Variants in SLC22A13 observed in about 807,000 individuals in gnomAD.
SLC22A13 encodes solute carrier family 22 member 13.
Under a neutral mutation model 49.1 loss-of-function variants are expected in SLC22A13, and 42 were observed. The observed-to-expected ratio is 0.85, with a 90% CI of 0.67 to 1.11. SLC22A13 has a LOEUF of 1.11. Among genes scored for constraint, SLC22A13 ranks in the 50% least tolerant of loss-of-function variants. SLC22A13 has a pLI of 0.00. For missense variants in SLC22A13, 694 were observed against 712.8 expected (o/e 0.97, Z 0.30); for synonymous variants, 282 against 293.1 (o/e 0.96, Z 0.39).
At chr3:38,275,695 C>G in intron 6 of SLC22A13, 23 bp downstream of exon 6, 1 of 1,607,606 alleles carries the variant, frequency 6.2e-7, no homozygotes. Flanking sequence ...AACCCGAGGA[C>G]AGAACCACAG....
intron 1 of SLC22A13, among the ~76,000 whole-genome samples, chr3:38,272,843 T>G (rs1192567869): frequency 6.6e-6 from 1 of 152,242 alleles, no homozygotes; most frequent in Non-Finnish European, 1.5e-5. Flanking sequence ...ATGTCTTCAT[T>G]TATTCATTCA....
intron 1 of SLC22A13, among the ~76,000 whole-genome samples, chr3:38,272,958 AG>A (rs1320184707): frequency 6.6e-6 from 1 of 152,236 alleles, no homozygotes; most frequent in African/African-American, 2.4e-5. Flanking sequence ...ACCAAGGGTT[AG>A]CTGCTTAAAC....
rs572165403 is a variant in SLC22A13, at chr3:38,267,648, G to A, written c.378+1410G>A. Among the ~76,000 whole-genome samples the A allele has an allele frequency of 4.6e-5, 7 of 152,288 alleles. No homozygotes were observed. The East Asian group carries it at 1.2e-3, about 25-fold the overall frequency. ...AAAGGCCCCTGAGGATTAACTGTGC[G>A]GGGAAGTCAGAGGGGAAAGGTACTT... On this transcript the variant is annotated intron_variant, in intron 1 of 9. Transcript: ENST00000311856.
At position 38,276,271 on chromosome 3, in the gene SLC22A13, G is replaced by A. The variant is rs1703582738; in HGVS notation, c.1238-16G>A. The A allele has an allele frequency of 1.2e-6, 2 of 1,603,154 alleles. No homozygotes were observed. The highest frequency in any genetic ancestry group is 8.5e-7 in the Non-Finnish European group (1 of 1,172,778). On this transcript the variant is annotated splice_polypyrimidine_tract_variant and intron_variant, in intron 7 of 9. Coordinates refer to ENST00000311856, the MANE Select transcript of SLC22A13 (RefSeq NM_004256.4). ...GCGTCAGGGCCCAGGTGATGGGGCTGTCTACCCTCTGCCAGATCTGCCCGT... is the reference window on the plus strand; with the variant it reads ...GCGTCAGGGCCCAGGTGATGGGGCTATCTACCCTCTGCCAGATCTGCCCGT...
At chr3:38,270,998 A>C (rs2125862909) in intron 1 of SLC22A13, among the ~76,000 whole-genome samples, 1 of 152,218 alleles carries the variant, frequency 6.6e-6, no homozygotes, top group African/African-American at 2.4e-5. Flanking sequence ...GCTAATCCCA[A>C]GCTCAGTTCC....
chr3:38,275,784 GC>G, intron 6 of SLC22A13, 97 bp from the exon 7 acceptor site: 1 of 1,476,142 alleles, frequency 6.8e-7, no homozygotes. Flanking sequence ...CCCTGGTTGT[GC>G]CAGTGTCCCC....
rs267599784 is a variant in SLC22A13 at position 38,276,041 on chromosome 3, G to A, written c.1182G>A (p.Leu394=). The A allele has an allele frequency of 9.9e-6, 16 of 1,614,138 alleles. No homozygotes were observed. Among genetic ancestry groups the A allele is most frequent in the Admixed American group, 1.7e-5 (1 of 60,024 alleles). The change falls in exon 7 of 10, where the codon TTG becomes TTA. Residue 394 remains leucine, a synonymous_variant. Transcript: ENST00000311856. ...GGTTTGGCCGCAAGTGGAGCCAGTT[G>A]GGGACCTTGGTCTTGGGTGGCCTGA... ...MQRFGRKWSQ[L]GTLVLGGLMC...
At chr3:38,276,883 C>A in intron 8 of SLC22A13, 29 bp from the exon 9 acceptor site, 1 of 1,600,428 alleles carries the variant, frequency 6.2e-7, no homozygotes, top group South Asian at 1.1e-5. Flanking sequence ...GGGCCCAGGT[C>A]TACTTAGCTT....
rs910457485 is a variant in SLC22A13, at chr3:38,276,192, G to C, written c.1238-95G>C. 1.5e-5 allele frequency: 22 copies of C among 1,493,606 alleles called. No homozygotes were observed. In the Admixed American group the frequency reaches 2.1e-4, roughly 14 times the overall value. The allele number at this position is 1,493,606 out of a possible 1,614,324, so 92.5% of individuals were successfully genotyped here. ...CATTGTTCTGCTTCCAGGAGTAAAGGCTTCCCGGGGGTTTGGGTACAGAAG... is the reference window on the plus strand; with the variant it reads ...CATTGTTCTGCTTCCAGGAGTAAAGCCTTCCCGGGGGTTTGGGTACAGAAG... On this transcript the variant is annotated intron_variant, in intron 7 of 9. Transcript: ENST00000311856.
intron 1 of SLC22A13, among the ~76,000 whole-genome samples, chr3:38,268,726 TAGTG>T (rs751105820): frequency 1.9e-4 from 29 of 152,096 alleles, no homozygotes; most frequent in Non-Finnish European, 3.7e-4. Flanking sequence ...CCACCCACAT[TAGTG>T]AGTTTCATCA....
rs1483994186 is a variant in SLC22A13 at position 38,274,601 on chromosome 3, C to T, written c.483-3C>T. ...TCCCCACAGACCTGCCCTGTTTCCT[C>T]AGGATTGGCCGCAAGGCCACAATCC... On this transcript the variant is annotated splice_region_variant and splice_polypyrimidine_tract_variant and intron_variant, in intron 2 of 9. Transcript: ENST00000311856. 4 of 1,613,092 alleles carry T rather than the reference C, an allele frequency of 2.5e-6. No individual in the cohort carries two copies. In the South Asian group the frequency reaches 4.4e-5, roughly 18 times the overall value.
At chr3:38,267,090 G>A (rs9827811) in intron 1 of SLC22A13, among the ~76,000 whole-genome samples, 2,375 of 152,302 alleles carry the variant, frequency 0.016, 60 homozygotes, top group African/African-American at 0.055. Flanking sequence ...TGCTTGAGGG[G>A]ATCTGTATAA....
At chr3:38,272,439 G>A (rs1703532476) in intron 1 of SLC22A13, among the ~76,000 whole-genome samples, 1 of 152,222 alleles carries the variant, frequency 6.6e-6, no homozygotes, top group South Asian at 2.1e-4. Context: ...TTCACATTTT[G>A]TAGTGGGAAA....
chr3:38,275,750 G>A, intron 6 of SLC22A13, 78 bp downstream of exon 6: 1 of 1,508,204 alleles, frequency 6.6e-7, no homozygotes, highest in Non-Finnish European at 9.1e-7. Flanking sequence ...GTGGGCTGGT[G>A]GCTGTTTGGC....
rs766301170 is a variant in SLC22A13 at position 38,276,908 on chromosome 3, C to T, written c.1347-4C>T. ...CTACTTAGCTTGCCCTGGTCTTCCC[C>T]CAGGCAGACAGGCATGGGGCTGGTG... On this transcript the variant is annotated splice_polypyrimidine_tract_variant and splice_region_variant and intron_variant, in intron 8 of 9. Coordinates refer to ENST00000311856, the MANE Select transcript of SLC22A13 (RefSeq NM_004256.4). 6.2e-7 allele frequency: 1 copy of T among 1,612,722 alleles called. No homozygotes were observed. Among genetic ancestry groups the T allele is most frequent in the South Asian group, 1.1e-5 (1 of 90,802 alleles).
Position 38,277,440 on chromosome 3 carries a change from C to A in SLC22A13, c.1631C>A (p.Ala544Asp). ...AKGRTSSPGV[A>D]FVSSTYF is the part of the protein sequence containing the mutation. ...GGAAGAACTTCCAGCCCGGGAGTGG[C>A]CTTTGTGAGCAGCACATACTTCTGA... Residue 544 changes from alanine to aspartate, a missense_variant, in exon 10 of 10, where the codon GCC becomes GAC. Ala to Asp is a moderately radical substitution (Grantham distance 126). Coordinates refer to ENST00000311856, the MANE Select transcript of SLC22A13 (RefSeq NM_004256.4). 1 of 1,613,988 alleles carries A rather than the reference C, an allele frequency of 6.2e-7. No individual in the cohort carries two copies. Among genetic ancestry groups the A allele is most frequent in the Non-Finnish European group, 8.5e-7 (1 of 1,179,850 alleles).
At chr3:38,269,209 A>T (rs963328055) in intron 1 of SLC22A13, among the ~76,000 whole-genome samples, 2 of 152,138 alleles carry the variant, frequency 1.3e-5, no homozygotes, top group African/African-American at 4.8e-5. Context: ...GTCTTGCAAG[A>T]GTATATGTTG....
chr3:38,271,573 C>G (rs1045862816), intron 1 of SLC22A13, among the ~76,000 whole-genome samples: 2 of 143,938 alleles, frequency 1.4e-5, no homozygotes, highest in Non-Finnish European at 3.0e-5. Context: ...AAAAAAATGA[C>G]TCCCCTGTCT....
At chr3:38,272,100 G>A (rs1198727290) in intron 1 of SLC22A13, among the ~76,000 whole-genome samples, 1 of 152,232 alleles carries the variant, frequency 6.6e-6, no homozygotes, top group Non-Finnish European at 1.5e-5. Context: ...TGCTGCACAA[G>A]GGGAATGATA....
Sources: allele counts gnomAD v4.1 joint callset (sites outside exome capture counted in the v4.1 genomes callset), GRCh38; gene constraint gnomAD v4.1.1; transcripts MANE v1.5; gene names NCBI Gene and HGNC (gene_info 2026-07-23, HGNC 2026-07-21).